Variants in ENPP3 observed in about 807,000 individuals in gnomAD.
The protein encoded by ENPP3 is ectonucleotide pyrophosphatase/phosphodiesterase family member 3.
ENPP3 carries 104 observed loss-of-function variants against 117.8 expected under a neutral mutation model. The observed-to-expected ratio is 0.88, with a 90% CI of 0.75 to 1.04. ENPP3 has a LOEUF of 1.04. ENPP3 is among the 50% of genes least tolerant of loss of function. The probability of loss-of-function intolerance (pLI) is 0.00; values close to 1 mark genes in which losing one functional copy is unlikely to be tolerated. For synonymous variants in ENPP3, 380 were observed against 349.9 expected (o/e 1.09, Z -0.96); for missense variants, 1,026 against 1,051.9 (o/e 0.98, Z 0.34).
At chr6:131,639,289 T>G (rs1435527687) in intron 1 of ENPP3, among the ~76,000 whole-genome samples, 1 of 93,240 alleles carries the variant, frequency 1.1e-5, no homozygotes, top group South Asian at 4.6e-4. Context: ...CTCTCTCTCT[T>G]TTTTTTGGAG....
chr6:131,687,724 A>G (rs965381578), intron 14 of ENPP3, among the ~76,000 whole-genome samples: 18 of 152,336 alleles, frequency 1.2e-4, no homozygotes, highest in Admixed American at 7.2e-4. Flanking sequence ...AAGACATACA[A>G]GTAGCCAGCA....
At chr6:131,687,126 TCC>T (rs1779170016) in intron 14 of ENPP3, among the ~76,000 whole-genome samples, 1 of 152,176 alleles carries the variant, frequency 6.6e-6, no homozygotes, top group Non-Finnish European at 1.5e-5. Flanking sequence ...AATTTATACT[TCC>T]ATCAACAGTA....
chr6:131,702,553 T>C (rs1779562537), intron 15 of ENPP3, among the ~76,000 whole-genome samples: 1 of 151,264 alleles, frequency 6.6e-6, no homozygotes, highest in African/African-American at 2.4e-5. Context: ...GGGCTTACTA[T>C]TGATAAACAC....
chr6:131,651,847 A>G (rs540759423), intron 3 of ENPP3, among the ~76,000 whole-genome samples: 3 of 152,336 alleles, frequency 2.0e-5, no homozygotes, highest in African/African-American at 7.2e-5. Flanking sequence ...GGGAAGGAAG[A>G]AATCTATATG....
At chr6:131,666,173 G>A (rs768784034) in intron 6 of ENPP3, among the ~76,000 whole-genome samples, 1 of 151,800 alleles carries the variant, frequency 6.6e-6, no homozygotes, top group Non-Finnish European at 1.5e-5. Flanking sequence ...AAAACATGTT[G>A]TGTTGGGTTT....
intron 15 of ENPP3, 68 bp downstream of exon 15, chr6:131,693,692 C>A: frequency 1.4e-6 from 2 of 1,458,942 alleles, no homozygotes; most frequent in East Asian, 2.3e-5. Context: ...GTCTACTTAA[C>A]CTTACCCTGC....
intron 9 of ENPP3, among the ~76,000 whole-genome samples, chr6:131,676,293 C>A (rs10457574): frequency 6.7e-6 from 1 of 150,244 alleles, no homozygotes; most frequent in Non-Finnish European, 1.5e-5. Context: ...CCTTTTAATA[C>A]GCTATATAAT....
In ENPP3 at chr6:131,710,195, T is replaced by C. The variant is rs774377410; in HGVS notation, c.1413-8477T>C. The stretch of plus-strand genomic sequence containing the variant: ...AGCACAGCAGCCTGATCTTTCATCA[T>C]TGGCAAGTGTCCAGTCAGGGTCTTG... On this transcript the variant is annotated intron_variant, in intron 15 of 24. Transcript: ENST00000357639. 6.2e-6 allele frequency: 10 copies of C among 1,608,924 alleles called. No homozygotes were observed. The Admixed American group carries it at 1.2e-4, about 19-fold the overall frequency.
intron 6 of ENPP3, among the ~76,000 whole-genome samples, chr6:131,659,139 A>G (rs1778446238): frequency 6.6e-6 from 1 of 152,176 alleles, no homozygotes; most frequent in Non-Finnish European, 1.5e-5. Context: ...ACACAATTTA[A>G]TAAAGGTAGT....
chr6:131,675,576 C>G (rs1778848813), intron 9 of ENPP3, among the ~76,000 whole-genome samples: 1 of 152,084 alleles, frequency 6.6e-6, no homozygotes. Flanking sequence ...GCCTGTAATC[C>G]CAGCAGTTTG....
chr6:131,696,192 A>G (rs1585681231), intron 15 of ENPP3, among the ~76,000 whole-genome samples: 1 of 152,198 alleles, frequency 6.6e-6, no homozygotes, highest in East Asian at 1.9e-4. Context: ...TAGAAGTATT[A>G]AGTGCTTTTT....
intron 15 of ENPP3, among the ~76,000 whole-genome samples, chr6:131,699,127 A>G (rs1195334605): frequency 2.0e-5 from 3 of 146,380 alleles, no homozygotes; most frequent in African/African-American, 5.2e-5. Flanking sequence ...AGTCCCAGCT[A>G]CTTAGGAGGC....
At chr6:131,718,919 T>C (rs951538618) in intron 16 of ENPP3, among the ~76,000 whole-genome samples, 181 bp downstream of exon 16, 1 of 152,194 alleles carries the variant, frequency 6.6e-6, no homozygotes, top group Non-Finnish European at 1.5e-5. Flanking sequence ...CACACCTATT[T>C]TATTATAGGC....
At chr6:131,679,343 C>T (rs1395114996) in intron 11 of ENPP3, among the ~76,000 whole-genome samples, 1 of 151,952 alleles carries the variant, frequency 6.6e-6, no homozygotes, top group Non-Finnish European at 1.5e-5. Context: ...GATCCACCTG[C>T]CTCAGCCTCC....
chr6:131,741,364 G>A (rs1407802356), intron 24 of ENPP3, among the ~76,000 whole-genome samples: 1 of 152,112 alleles, frequency 6.6e-6, no homozygotes, highest in Non-Finnish European at 1.5e-5. Context: ...ACACAATTTA[G>A]TCAGTCAATA....
chr6:131,680,118 G>C (rs890014924), intron 11 of ENPP3, among the ~76,000 whole-genome samples: 2 of 152,200 alleles, frequency 1.3e-5, no homozygotes, highest in African/African-American at 2.4e-5. Flanking sequence ...TGAGTTGGAG[G>C]AAGCAGGGGA....
chr6:131,685,437 G>C lies in ENPP3; in HGVS notation c.1194G>C (p.Met398Ile). 6.2e-7 allele frequency: 1 copy of C among 1,613,838 alleles called. No homozygotes were observed. Among genetic ancestry groups the C allele is most frequent in the Non-Finnish European group, 8.5e-7 (1 of 1,179,826 alleles). Residue 398 changes from methionine (M) to isoleucine (I), a missense_variant, in exon 13 of 25, where the codon ATG becomes ATC. By Grantham distance (10) the Met-to-Ile change is conservative (BLOSUM62 1). Coordinates refer to ENST00000357639, the MANE Select transcript of ENPP3 (RefSeq NM_005021.5). ...TTCCCAGAATAAACTTCTTCTACATGTACGAAGGGCCTGCCCCCCGCATCC... is the reference window on the plus strand; with the variant it reads ...TTCCCAGAATAAACTTCTTCTACATCTACGAAGGGCCTGCCCCCCGCATCC... ...DYFPRINFFY[M>I]YEGPAPRIRA...
In ENPP3 at chr6:131,669,557, C is replaced by T. The variant is rs1399044621; in HGVS notation, c.563-1691C>T. On this transcript the variant is annotated intron_variant, in intron 6 of 24. Transcript: ENST00000357639. ...GGCGTGGTGGCAGGCACCTGTAGTC[C>T]CAGCTACTCGGGAGGCTGAACTCAG... 2.7e-5 allele frequency among the ~76,000 whole-genome samples: 4 copies of T among 150,920 alleles called. No individual in the cohort carries two copies. The East Asian group carries it at 7.8e-4, about 29-fold the overall frequency.
At chr6:131,740,723 T>C (rs1226239817) in intron 24 of ENPP3, among the ~76,000 whole-genome samples, 1 of 152,180 alleles carries the variant, frequency 6.6e-6, no homozygotes, top group Non-Finnish European at 1.5e-5. Context: ...ATGAGGATAG[T>C]GAGATGTTTG....
Sources: allele counts gnomAD v4.1 joint callset (sites outside exome capture counted in the v4.1 genomes callset), GRCh38; gene constraint gnomAD v4.1.1; transcripts MANE v1.5; gene names NCBI Gene and HGNC (gene_info 2026-07-23, HGNC 2026-07-21).